COG3: variants seen among roughly 807,000 people sequenced by gnomAD.
The protein encoded by COG3 is component of oligomeric golgi complex 3.
In COG3, 32 loss-of-function variants were observed where a neutral mutation model predicts 114.1. The ratio of observed to expected loss-of-function variants is 0.28; its 90% CI spans 0.21 to 0.38. The LOEUF (loss-of-function observed/expected upper bound fraction) is 0.38. Ranked by LOEUF, COG3 falls within the 10% of genes least tolerant of loss-of-function variation. COG3 has a pLI of 1.00. For missense variants in COG3, 813 were observed against 973.2 expected, an observed-to-expected ratio of 0.84 and a Z score of 2.19; for synonymous variants, 352 against 365.7, an observed-to-expected ratio of 0.96 and a Z score of 0.43.
intron 12 of COG3, among the ~76,000 whole-genome samples, chr13:45,495,622 T>C (rs1868679096): frequency 6.6e-6 from 1 of 151,952 alleles, no homozygotes; most frequent in Non-Finnish European, 1.5e-5. Context: ...TCCAGTGATC[T>C]GCCTGCCTCA....
chr13:45,515,974 A>G (rs1422136496), intron 16 of COG3, among the ~76,000 whole-genome samples, 169 bp from the exon 17 acceptor site: 1 of 152,210 alleles, frequency 6.6e-6, no homozygotes, highest in Non-Finnish European at 1.5e-5. Flanking sequence ...TTGAAGCAAG[A>G]TTTTTTAACT....
intron 20 of COG3, among the ~76,000 whole-genome samples, chr13:45,529,493 C>T (rs919419902): frequency 4.6e-5 from 7 of 151,784 alleles, no homozygotes; most frequent in African/African-American, 1.5e-4. Context: ...TAATCTCTTA[C>T]CTCCAAATTC....
At chr13:45,472,361 A>G (rs972169636) in intron 1 of COG3, among the ~76,000 whole-genome samples, 1 of 151,910 alleles carries the variant, frequency 6.6e-6, no homozygotes, top group African/African-American at 2.4e-5. Context: ...CTGTAGTTTT[A>G]TATCTTTCAT....
In COG3 at chr13:45,478,741, G is replaced by A. The variant is rs767558445; in HGVS notation, c.322-264G>A. ...CGACCTCAGGTGATCCGCCCACCTC[G>A]GCCTCCCAAAGTGCTGGGATTACAG... is the stretch of plus-strand genomic sequence containing the variant. On this transcript the variant is annotated intron_variant, in intron 2 of 22. Transcript: ENST00000349995. Among the ~76,000 whole-genome samples the A allele has an allele frequency of 1.6e-4, 24 of 152,128 alleles. No individual in the cohort carries two copies. In the South Asian group the frequency reaches 2.3e-3, roughly 14 times the overall value.
At chr13:45,519,552 A>T (rs1157515440) in intron 19 of COG3, among the ~76,000 whole-genome samples, 1 of 152,234 alleles carries the variant, frequency 6.6e-6, no homozygotes, top group Non-Finnish European at 1.5e-5. Context: ...AGACTTTTAT[A>T]ACATAGCATT....
At chr13:45,516,801 G>T (rs746164008) in intron 17 of COG3, among the ~76,000 whole-genome samples, 1 of 152,112 alleles carries the variant, frequency 6.6e-6, no homozygotes, top group African/African-American at 2.4e-5. Flanking sequence ...AACTTGTCAT[G>T]ATACCTTCAC....
At chr13:45,509,351 T>C (rs913056382) in intron 14 of COG3, among the ~76,000 whole-genome samples, 4 of 152,238 alleles carry the variant, frequency 2.6e-5, no homozygotes, top group African/African-American at 9.6e-5. Flanking sequence ...CTGCCTCCTT[T>C]TTAATGGCTG....
chr13:45,489,016 T>C (rs1886842508), intron 8 of COG3, among the ~76,000 whole-genome samples: 1 of 151,232 alleles, frequency 6.6e-6, no homozygotes, highest in Non-Finnish European at 1.5e-5. Context: ...GGCGAAACCC[T>C]GTCTGTACCA....
At chr13:45,524,458 C>A (rs1394345102) in intron 19 of COG3, among the ~76,000 whole-genome samples, 2 of 152,136 alleles carry the variant, frequency 1.3e-5, no homozygotes, top group Non-Finnish European at 2.9e-5. Context: ...ATTGGTCAGT[C>A]ATATGTGACT....
chr13:45,484,060 G>A (rs1886417835), intron 7 of COG3, among the ~76,000 whole-genome samples: 1 of 152,134 alleles, frequency 6.6e-6, no homozygotes, highest in Admixed American at 6.5e-5. Flanking sequence ...GATGGTCATT[G>A]AAAATATTCC....
intron 7 of COG3, among the ~76,000 whole-genome samples, chr13:45,484,230 A>G (rs766749869): frequency 1.3e-5 from 2 of 152,178 alleles, no homozygotes; most frequent in Non-Finnish European, 2.9e-5. Context: ...CAACTAACCT[A>G]TATTTTTTTT....
rs1566251373 is a variant in COG3 at position 45,490,854 on chromosome 13, C to T, written c.925-61C>T. 3 of 851,530 alleles carry T rather than the reference C, an allele frequency of 3.5e-6. No individual in the cohort carries two copies. The East Asian group carries it at 8.3e-5, about 24-fold the overall frequency. 52.7% of individuals were successfully genotyped at this position (851,530 alleles called of 1,614,324 possible). On this transcript the variant is annotated intron_variant, in intron 8 of 22. Transcript: ENST00000349995. ...TATGTGATACAATTAATATTATAAT[C>T]AGAAAGTAATGGATAATATAACAGA... is the stretch of plus-strand genomic sequence containing the variant.
At chr13:45,525,200 C>G (rs1002027027) in intron 20 of COG3, 149 bp downstream of exon 20, 1 of 570,100 alleles carries the variant, frequency 1.8e-6, no homozygotes, top group Non-Finnish European at 3.0e-6. Context: ...TTGGAGCTGA[C>G]AGGTCTTAAT....
At chr13:45,499,889 G>A (rs1869263005) in intron 13 of COG3, among the ~76,000 whole-genome samples, 1 of 152,024 alleles carries the variant, frequency 6.6e-6, no homozygotes, top group African/African-American at 2.4e-5. Context: ...AGGCATGGTG[G>A]CGGCTGTAGT....
rs12874798 is a variant in COG3, at chr13:45,500,094, G to A, written c.1489-3150G>A. ...TGTGTGTGTGTGTGTGTGTGTGTGT[G>A]TATATATATATATATATATATAAAA... is the stretch of plus-strand genomic sequence containing the variant. On this transcript the variant is annotated intron_variant, in intron 13 of 22. Transcript: ENST00000349995. Among the ~76,000 whole-genome samples, 974 of 114,864 alleles carry A rather than the reference G, an allele frequency of 8.5e-3. 15 individuals carry two copies. The highest frequency in any genetic ancestry group is 0.031 in the African/African-American group (907 of 28,910). 75.4% of individuals were successfully genotyped at this position (114,864 alleles called of 152,430 possible). A position where few individuals can be genotyped will look rare whatever the true frequency, so the allele number is the denominator to read the frequency against.
chr13:45,499,511 T>C (rs1233887706), intron 13 of COG3, among the ~76,000 whole-genome samples: 4 of 152,216 alleles, frequency 2.6e-5, no homozygotes, highest in African/African-American at 9.6e-5. Flanking sequence ...GAGATAGACC[T>C]GGGTTCAAAT....
intron 13 of COG3, among the ~76,000 whole-genome samples, chr13:45,497,639 C>G (rs1388590930): frequency 1.3e-5 from 2 of 151,970 alleles, no homozygotes; most frequent in Non-Finnish European, 2.9e-5. Context: ...TACAAAAATT[C>G]ACCAGGTGTG....
At chr13:45,496,682 T>G (rs1168690095) in intron 13 of COG3, among the ~76,000 whole-genome samples, 1 of 152,210 alleles carries the variant, frequency 6.6e-6, no homozygotes, top group Non-Finnish European at 1.5e-5. Context: ...TTTGTTTTTT[T>G]TGTTTTTTTG....
At chr13:45,492,043 G>T in intron 10 of COG3, 116 bp from the exon 11 acceptor site, 1 of 553,096 alleles carries the variant, frequency 1.8e-6, no homozygotes, top group Non-Finnish European at 3.1e-6. Flanking sequence ...TCTTCAGTAA[G>T]TTGTTTTAAG....
Sources: gnomAD v4.1 joint callset for allele counts (sites outside exome capture counted in the v4.1 genomes callset) on GRCh38, gnomAD v4.1.1 for gene constraint, MANE v1.5 for transcripts, NCBI Gene and HGNC (gene_info 2026-07-23, HGNC 2026-07-21) for gene names.